The following UNK variants were observed in gnomAD, a reference collection of about 807,000 sequenced individuals.
The protein encoded by UNK is unk zinc finger.
Under a neutral mutation model 97.6 loss-of-function variants are expected in UNK, and 32 were observed. The ratio of observed to expected loss-of-function variants is 0.33; its 90% CI spans 0.25 to 0.44. The LOEUF is 0.44. UNK is among the 20% of genes least tolerant of loss of function. The probability of loss-of-function intolerance (pLI) is 1.00; values close to 1 mark genes in which losing one functional copy is unlikely to be tolerated. For missense variants in UNK, 771 were observed against 1,098.4 expected, an observed-to-expected ratio of 0.70 and a Z score of 4.21; for synonymous variants, 441 against 461.2, an observed-to-expected ratio of 0.96 and a Z score of 0.56.
chr17:75,809,053 GT>G (rs1352827573), intron 1 of UNK: 1 of 139,872 alleles, frequency 7.1e-6, no homozygotes. Context: ...CTCACATGAG[GT>G]GACACGACTG....
At chr17:75,821,865 G>A (rs1387602089) in intron 13 of UNK, 2 of 381,312 alleles carry the variant, frequency 5.2e-6, no homozygotes, top group African/African-American at 2.1e-5. Flanking sequence ...ATAGTTGACT[G>A]GAAAGCATAG....
intron 1 of UNK, among the ~76,000 whole-genome samples, chr17:75,797,637 C>G (rs970480594): frequency 1.3e-5 from 2 of 152,208 alleles, no homozygotes; most frequent in African/African-American, 4.8e-5. Context: ...TCAGATTGCC[C>G]TGTCTTTGCC....
chr17:75,805,627 T>C (rs905654147), intron 1 of UNK, among the ~76,000 whole-genome samples: 1 of 150,348 alleles, frequency 6.7e-6, no homozygotes, highest in Non-Finnish European at 1.5e-5. Flanking sequence ...CGAGATCTTA[T>C]CTGTACTAAA....
Position 75,816,217 on chromosome 17 carries a change from T to G in UNK, c.962-553T>G, listed in dbSNP as rs558260079. 5.9e-4 allele frequency among the ~76,000 whole-genome samples: 90 copies of G among 152,284 alleles called. No individual in the cohort carries two copies. The highest frequency in any genetic ancestry group is 2.1e-3 in the African/African-American group (87 of 41,568). On this transcript the variant is annotated intron_variant, in intron 7 of 15. Transcript: ENST00000589666. This position sits in a 1 kb window ranked among gnomAD's most constrained non-coding sequence, Gnocchi z 4.0. ...CCAGTCTCAGAGACAGAGCTCCAGTTTGTACCTGTTAACACCTCTTTCCAC... is the reference window on the plus strand; with the variant it reads ...CCAGTCTCAGAGACAGAGCTCCAGTGTGTACCTGTTAACACCTCTTTCCAC...
chr17:75,792,221 G>A, intron 1 of UNK: 2 of 913,524 alleles, frequency 2.2e-6, no homozygotes, highest in Non-Finnish European at 2.6e-6. Context: ...ACATTAAATA[G>A]TGGACTGGTC....
chr17:75,797,004 C>A (rs2061812051), intron 1 of UNK, among the ~76,000 whole-genome samples: 1 of 152,142 alleles, frequency 6.6e-6, no homozygotes, highest in South Asian at 2.1e-4. Flanking sequence ...GCAGGGTTAA[C>A]ATGGAAAGCA....
At chr17:75,805,840 G>T (rs1296189527) in intron 1 of UNK, among the ~76,000 whole-genome samples, 1 of 143,756 alleles carries the variant, frequency 7.0e-6, no homozygotes, top group Admixed American at 6.8e-5. Flanking sequence ...GTGTGTGTGT[G>T]TGTGTATAAT....
In UNK at chr17:75,806,994, G is replaced by C. The variant is rs79545349; in HGVS notation, c.105-2766G>C. Among the ~76,000 whole-genome samples, 129 of 152,318 alleles carry C rather than the reference G, an allele frequency of 8.5e-4. 1 individual carries two copies. The East Asian group carries it at 0.018, about 21-fold the overall frequency. On this transcript the variant is annotated intron_variant, in intron 1 of 15. Coordinates refer to ENST00000589666, the MANE Select transcript of UNK (RefSeq NM_001080419.3). ...ATCTGTGAGAGCCCTGCCAGCCAGA[G>C]CCTCTGTGGAGTCTCATCTGCACGT... is the stretch of plus-strand genomic sequence containing the variant.
chr17:75,813,263 G>A (rs1292337533), intron 5 of UNK, 50 bp downstream of exon 5: 1 of 1,537,082 alleles, frequency 6.5e-7, no homozygotes, highest in Non-Finnish European at 8.8e-7. Flanking sequence ...TGGCAGGGAA[G>A]GGGTCAGGCA....
chr17:75,825,013 T>TG lies in UNK; in HGVS notation c.*601dup, dbSNP rs1210137086. 1 of 152,200 alleles carries TG rather than the reference T, an allele frequency of 6.6e-6. No individual in the cohort carries two copies. The highest frequency in any genetic ancestry group is 1.5e-5 in the Non-Finnish European group (1 of 68,014). 9.4% of individuals were successfully genotyped at this position (152,200 alleles called of 1,614,324 possible). On this transcript the variant is annotated 3_prime_UTR_variant, in exon 16 of 16. Coordinates refer to ENST00000589666, the MANE Select transcript of UNK (RefSeq NM_001080419.3). This position sits in a 1 kb window ranked among gnomAD's most constrained non-coding sequence, Gnocchi z 4.4. Reference sequence around the variant, plus strand: ...CTCAGGGAGGCCCGAGGGGGAGTGCTGGGGGTCTCAGCTGGCTTAGCTCCT... The same window carrying TG: ...CTCAGGGAGGCCCGAGGGGGAGTGCTGGGGGGTCTCAGCTGGCTTAGCTCCT...
chr17:75,813,944 G>T, intron 6 of UNK, 66 bp downstream of exon 6: 1 of 1,428,804 alleles, frequency 7.0e-7, no homozygotes, highest in Admixed American at 2.1e-5. Flanking sequence ...CAGGATCAGT[G>T]GAGATGTTGG....
At chr17:75,785,105 G>A (rs1316466493) in intron 1 of UNK, 121 bp downstream of exon 1, 2 of 648,662 alleles carry the variant, frequency 3.1e-6, no homozygotes, top group African/African-American at 2.0e-5. Flanking sequence ...CCTCCGGCCC[G>A]GCCCAGACCG....
At position 75,816,038 on chromosome 17, in the gene UNK, T is replaced by G. The variant is rs1217307746; in HGVS notation, c.962-732T>G. Among the ~76,000 whole-genome samples, 1 of 152,252 alleles carries G rather than the reference T, an allele frequency of 6.6e-6. No individual in the cohort carries two copies. ...TATCAAGACATTTCACCTTTTTTTG[T>G]ACTAAGTCTATGAGATCTGATAGCA... On this transcript the variant is annotated intron_variant, in intron 7 of 15. Coordinates refer to ENST00000589666, the MANE Select transcript of UNK (RefSeq NM_001080419.3). This position sits in a 1 kb window ranked among gnomAD's most constrained non-coding sequence, Gnocchi z 4.0.
Position 75,809,909 on chromosome 17 carries a change from G to A in UNK, c.254G>A (p.Ser85Asn), listed in dbSNP as rs1413874669. Residue 85 changes from serine to asparagine, a missense_variant, in exon 2 of 16, where the codon AGC becomes AAC. Around this residue, in one of 5 missense-constraint regions of UNK, gnomAD observed 246 missense variants for 440.7 expected, o/e 0.56. Coordinates refer to ENST00000589666, the MANE Select transcript of UNK (RefSeq NM_001080419.3). ...CGTCGGGACGGCACCTTCAATTACA[G>A]CCCTGACGTCTACTGCACCAAGTAC... ...IRRRDGTFNY[S>N]PDVYCTKYDE... The A allele has an allele frequency of 6.2e-7, 1 of 1,613,838 alleles. No homozygotes were observed.
chr17:75,807,753 G>A (rs184189230), intron 1 of UNK, among the ~76,000 whole-genome samples: 9 of 150,540 alleles, frequency 6.0e-5, no homozygotes, highest in African/African-American at 9.8e-5. Flanking sequence ...GTGCCCAGCC[G>A]TTTTTTTATA....
Position 75,824,526 on chromosome 17 carries a change from A to T in UNK, c.*109A>T. 1 of 838,718 alleles carries T rather than the reference A, an allele frequency of 1.2e-6. No homozygotes were observed. Among genetic ancestry groups the T allele is most frequent in the South Asian group, 6.0e-5 (1 of 16,614 alleles). 52.0% of individuals were successfully genotyped at this position (838,718 alleles called of 1,614,324 possible). On this transcript the variant is annotated 3_prime_UTR_variant, in exon 16 of 16. Transcript: ENST00000589666. The surrounding 1 kb of genome is among the most constrained non-coding windows in gnomAD (Gnocchi z 4.9). ...TATGTGTATGTATGTATGTATATGTATATGATTATGTATATGTATACATTT... is the reference window on the plus strand; with the variant it reads ...TATGTGTATGTATGTATGTATATGTTTATGATTATGTATATGTATACATTT...
chr17:75,812,050 G>T (rs1007688539), intron 2 of UNK, 62 bp from the exon 3 acceptor site: 3 of 1,502,804 alleles, frequency 2.0e-6, no homozygotes, highest in African/African-American at 2.8e-5. Flanking sequence ...AGGGCAGGGG[G>T]TAGGCAGGGA....
At position 75,812,238 on chromosome 17, in the gene UNK, C is replaced by T. The variant is rs373081633; in HGVS notation, c.441C>T (p.Cys147=). Residue 147 remains cysteine, a synonymous_variant, in exon 3 of 16, where the codon TGC becomes TGT. Transcript: ENST00000589666. Reference sequence around the variant, plus strand: ...ACTGCACCAAAAACGGCCTGCACTGCGCTTTTGCCCACGGGCCCCATGACC... The same window carrying T: ...ACTGCACCAAAAACGGCCTGCACTGTGCTTTTGCCCACGGGCCCCATGACC... ...KGNCTKNGLH[C]AFAHGPHDLR... The T allele has an allele frequency of 1.3e-4, 211 of 1,613,942 alleles. No individual in the cohort carries two copies. In the Middle Eastern group the frequency reaches 1.3e-3, roughly 10 times the overall value.
chr17:75,786,141 G>C (rs2061708492), intron 1 of UNK, among the ~76,000 whole-genome samples: 1 of 152,174 alleles, frequency 6.6e-6, no homozygotes, highest in Non-Finnish European at 1.5e-5. Context: ...TAAGCTTCTT[G>C]ACTACAGTCT....
Sources: gnomAD v4.1 joint callset for allele counts (sites outside exome capture counted in the v4.1 genomes callset) on GRCh38, gnomAD v4.1.1 for gene constraint, gnomAD v4.1.1 regional missense constraint, Gnocchi (gnomAD v3.1) non-coding constraint, MANE v1.5 for transcripts, NCBI Gene and HGNC (gene_info 2026-07-23, HGNC 2026-07-21) for gene names.